Variants in PCDHA7 observed in about 807,000 individuals in gnomAD.
PCDHA7 encodes the protein protocadherin alpha-7.
In PCDHA7, 37 loss-of-function variants were observed where a neutral mutation model predicts 57.2. The ratio of observed to expected loss-of-function variants is 0.65; its 90% CI spans 0.50 to 0.85. The LOEUF is 0.85. Ranked by LOEUF, PCDHA7 falls within the 40% of genes least tolerant of loss-of-function variation. The pLI, the probability that PCDHA7 is intolerant of heterozygous loss-of-function variation, is 0.00. For synonymous variants in PCDHA7, 553 were observed against 558.8 expected, an observed-to-expected ratio of 0.99 and a Z score of 0.15; for missense variants, 1,188 against 1,241.8, an observed-to-expected ratio of 0.96 and a Z score of 0.65.
chr5:140,992,235 G>A (rs1272038759), intron 3 of PCDHA7, among the ~76,000 whole-genome samples: 7 of 152,154 alleles, frequency 4.6e-5, no homozygotes, highest in African/African-American at 1.7e-4. Flanking sequence ...GGAAGAGTAA[G>A]GAAGGAAGTA....
At chr5:140,911,620 C>T (rs2075566183) in intron 1 of PCDHA7, among the ~76,000 whole-genome samples, 1 of 152,146 alleles carries the variant, frequency 6.6e-6, no homozygotes, top group Non-Finnish European at 1.5e-5. Context: ...CTTAGTTCCC[C>T]ACATATGGTC....
intron 1 of PCDHA7, among the ~76,000 whole-genome samples, chr5:140,847,234 C>T (rs1197831504): frequency 6.7e-6 from 1 of 149,750 alleles, no homozygotes; most frequent in African/African-American, 2.4e-5. Flanking sequence ...TATTTAACTA[C>T]CTTGAGCAAA....
intron 2 of PCDHA7, among the ~76,000 whole-genome samples, chr5:140,979,796 T>A (rs1322390860): frequency 3.3e-5 from 5 of 152,236 alleles, no homozygotes; most frequent in Non-Finnish European, 7.3e-5. Flanking sequence ...AAACAAATGA[T>A]CACAACTATC....
At chr5:140,989,555 T>G (rs923190578) in intron 3 of PCDHA7, among the ~76,000 whole-genome samples, 1 of 152,204 alleles carries the variant, frequency 6.6e-6, no homozygotes, top group African/African-American at 2.4e-5. Flanking sequence ...CCTTTACGTT[T>G]TGTGGCTCCG....
intron 1 of PCDHA7, chr5:140,967,401 G>C: frequency 6.2e-7 from 1 of 1,611,944 alleles, no homozygotes; most frequent in Non-Finnish European, 8.5e-7. Context: ...CTGGTGCTGC[G>C]TAAGGGCCTA....
chr5:140,966,990 G>A, intron 1 of PCDHA7: 1 of 1,604,280 alleles, frequency 6.2e-7, no homozygotes, highest in Non-Finnish European at 8.5e-7. Context: ...TTGGGGCCGG[G>A]TTGCTTGCGC....
chr5:140,928,066 G>A lies in PCDHA7; in HGVS notation c.2356-50883G>A, dbSNP rs376048656. On this transcript the variant is annotated intron_variant, in intron 1 of 3. Transcript: ENST00000525929. ...CCCTTTTCAGCTGACGGCTTCCTTT[G>A]ACAACTACTACAGCCTGCTGATTGA... 8.7e-6 allele frequency: 14 copies of A among 1,614,036 alleles called. No individual in the cohort carries two copies. In the African/African-American group the frequency reaches 1.9e-4, roughly 22 times the overall value.
At chr5:140,868,439 G>A (rs2050456620) in intron 1 of PCDHA7, 2 of 152,256 alleles carry the variant, frequency 1.3e-5, no homozygotes, top group South Asian at 4.2e-4. Flanking sequence ...TAGATCATGT[G>A]GAACATAAAC....
At chr5:140,860,563 A>G (rs1332482786) in intron 1 of PCDHA7, 4 of 152,330 alleles carry the variant, frequency 2.6e-5, no homozygotes, top group Admixed American at 1.3e-4. Flanking sequence ...AGAGGTACTG[A>G]TCATACACAA....
intron 1 of PCDHA7, among the ~76,000 whole-genome samples, chr5:140,952,530 A>C (rs246033): frequency 0.56 from 85,631 of 151,920 alleles, 24,768 homozygotes; most frequent in African/African-American, 0.69. Flanking sequence ...ACCTCCTCAG[A>C]CTGGACTTCT....
intron 1 of PCDHA7, among the ~76,000 whole-genome samples, chr5:140,906,069 T>C (rs2072342341): frequency 6.6e-6 from 1 of 152,204 alleles, no homozygotes; most frequent in African/African-American, 2.4e-5. Flanking sequence ...GCTGATTAGA[T>C]CGCACCCACC....
At chr5:140,933,833 A>C (rs944428844) in intron 1 of PCDHA7, among the ~76,000 whole-genome samples, 1 of 151,928 alleles carries the variant, frequency 6.6e-6, no homozygotes, top group Non-Finnish European at 1.5e-5. Flanking sequence ...TATTGCTCCT[A>C]TTTCATTCCT....
intron 1 of PCDHA7, among the ~76,000 whole-genome samples, chr5:140,932,112 T>C (rs1211067626): frequency 6.6e-6 from 1 of 151,944 alleles, no homozygotes; most frequent in African/African-American, 2.4e-5. Flanking sequence ...GTATTTCCAA[T>C]TGATAATATT....
rs544074425 is a variant in PCDHA7, at chr5:140,965,070, C to A, written c.2356-13879C>A. Among the ~76,000 whole-genome samples the A allele has an allele frequency of 1.2e-4, 19 of 152,306 alleles. 1 individual carries two copies. In the South Asian group the frequency reaches 3.9e-3, roughly 32 times the overall value. On this transcript the variant is annotated intron_variant, in intron 1 of 3. Coordinates refer to ENST00000525929, the MANE Select transcript of PCDHA7 (RefSeq NM_018910.3). ...GGGAAGCATGCCAAATGTCAGGTCT[C>A]ACTCTGACTTTGTTCCAGTCCATAG... is the stretch of plus-strand genomic sequence containing the variant.
intron 1 of PCDHA7, among the ~76,000 whole-genome samples, chr5:140,924,369 G>A (rs2081798645): frequency 6.6e-6 from 1 of 152,144 alleles, no homozygotes; most frequent in Admixed American, 6.5e-5. Context: ...AGGCAAACTA[G>A]CCAAGGGGTA....
At chr5:140,863,510 T>G (rs782817870) in intron 1 of PCDHA7, 4 of 411,506 alleles carry the variant, frequency 9.7e-6, no homozygotes, top group Admixed American at 3.0e-5. Context: ...TTAGTCCTAG[T>G]GTTCTCCCAT....
chr5:140,853,619 G>A lies in PCDHA7; in HGVS notation c.2355+16881G>A. 2 of 988,316 alleles carry A rather than the reference G, an allele frequency of 2.0e-6. 1 individual carries two copies. Among genetic ancestry groups the A allele is most frequent in the Non-Finnish European group, 2.4e-6 (2 of 820,378 alleles). 61.2% of individuals were successfully genotyped at this position (988,316 alleles called of 1,614,324 possible). ...AGAGCAAAGGGGGTGCTGTAAATAA[G>A]TATACAAGATCACAGACCTAAATTG... On this transcript the variant is annotated intron_variant, in intron 1 of 3. Transcript: ENST00000525929.
rs2150241896 is a variant in PCDHA7 at position 140,835,685 on chromosome 5, T to A, written c.1302T>A (p.Ser434=). ...VVTARDGGSP[S]LWATASVSVE... ...CCGCGCGGGACGGGGGCTCGCCTTC[T>A]CTGTGGGCCACTGCTAGCGTGTCCG... The change falls in exon 1 of 4, where the codon TCT becomes TCA. Residue 434 remains serine, a synonymous_variant. Transcript: ENST00000525929. 6.8e-6 allele frequency: 11 copies of A among 1,613,764 alleles called. No individual in the cohort carries two copies. The East Asian group carries it at 1.8e-4, about 26-fold the overall frequency.
chr5:141,002,335 ACC>A (rs1554258611), intron 3 of PCDHA7, among the ~76,000 whole-genome samples: 81 of 152,230 alleles, frequency 5.3e-4, no homozygotes, highest in African/African-American at 2.0e-3. Flanking sequence ...CTGCATCCGC[ACC>A]CCTTCCCCCA....
Sources: allele counts gnomAD v4.1 joint callset (sites outside exome capture counted in the v4.1 genomes callset), GRCh38; gene constraint gnomAD v4.1.1; transcripts MANE v1.5; gene names NCBI Gene and HGNC (gene_info 2026-07-23, HGNC 2026-07-21).